Variants in OTUD7A observed in about 807,000 individuals in gnomAD.
OTUD7A encodes the protein OTU domain-containing protein 7A.
In OTUD7A, 12 loss-of-function variants were observed where a neutral mutation model predicts 65.7. That is an observed-to-expected ratio of 0.18 (90% confidence interval 0.12 to 0.30). The LOEUF (loss-of-function observed/expected upper bound fraction) is 0.30, where lower values mean the gene tolerates loss of function less well. Among genes scored for constraint, OTUD7A ranks in the 10% least tolerant of loss-of-function variants. The probability of loss-of-function intolerance (pLI) is 1.00; values close to 1 mark genes in which losing one functional copy is unlikely to be tolerated. For synonymous variants in OTUD7A, 641 were observed against 586.3 expected, an observed-to-expected ratio of 1.09 and a Z score of -1.35; for missense variants, 1,148 against 1,304.8, an observed-to-expected ratio of 0.88 and a Z score of 1.85.
intron 1 of OTUD7A, among the ~76,000 whole-genome samples, chr15:31,827,409 A>G (rs1896823803): frequency 1.3e-5 from 2 of 152,152 alleles, no homozygotes; most frequent in South Asian, 4.1e-4. Flanking sequence ...GAGGGAAACC[A>G]CCCCATGATT....
chr15:31,588,703 C>T (rs969382240), intron 3 of OTUD7A, among the ~76,000 whole-genome samples: 1 of 152,144 alleles, frequency 6.6e-6, no homozygotes, highest in Non-Finnish European at 1.5e-5. Context: ...CTGATGGTTC[C>T]GCTCCACACA....
chr15:31,664,537 G>C (rs570207193), intron 1 of OTUD7A, among the ~76,000 whole-genome samples: 12 of 151,802 alleles, frequency 7.9e-5, no homozygotes, highest in African/African-American at 2.9e-4. Flanking sequence ...ATTTGAGTTT[G>C]TGGTAGATTC....
chr15:31,817,487 T>G (rs562021982), intron 1 of OTUD7A, among the ~76,000 whole-genome samples: 2 of 152,354 alleles, frequency 1.3e-5, no homozygotes, highest in East Asian at 3.9e-4. Context: ...ATTTATGGAC[T>G]AGAATGAATT....
In OTUD7A at chr15:31,753,721, TTA is replaced by T. The variant is rs149582805; in HGVS notation, c.-99-96646_-99-96645del. ...TATATATTATATATATATATATATA[TTA>T]TATATATATATATATATCTCACAGT... On this transcript the variant is annotated intron_variant, in intron 1 of 12. Transcript: ENST00000307050. 1.3e-3 allele frequency among the ~76,000 whole-genome samples: 139 copies of T among 106,642 alleles called. 3 individuals are homozygous for T. Among genetic ancestry groups the T allele is most frequent in the Middle Eastern group, 4.0e-3 (1 of 252 alleles). The allele number at this position is 106,642 out of a possible 152,430, so 70.0% of individuals were successfully genotyped here. A position where few individuals can be genotyped will look rare whatever the true frequency, so the allele number is the denominator to read the frequency against.
At position 31,743,818 on chromosome 15, in the gene OTUD7A, C is replaced by T. The variant is rs547924594; in HGVS notation, c.-99-86741G>A. Among the ~76,000 whole-genome samples the T allele has an allele frequency of 9.9e-5, 15 of 151,824 alleles. No individual in the cohort carries two copies. The South Asian group carries it at 1.3e-3, about 13-fold the overall frequency. On this transcript the variant is annotated intron_variant, in intron 1 of 12. Coordinates refer to ENST00000307050, the MANE Select transcript of OTUD7A (RefSeq NM_001382637.1). Reference sequence around the variant, plus strand: ...TGATTCATTGAAAGATTCATAAGACCGGTAAACAAACACCTAGCAAGACTG... The same window carrying T: ...TGATTCATTGAAAGATTCATAAGACTGGTAAACAAACACCTAGCAAGACTG...
chr15:31,815,703 C>G (rs1896531080), intron 1 of OTUD7A, among the ~76,000 whole-genome samples: 1 of 152,234 alleles, frequency 6.6e-6, no homozygotes, highest in Non-Finnish European at 1.5e-5. Context: ...GCTGGGGGGC[C>G]TCTCCCACCA....
rs1890668036 is a variant in OTUD7A at position 31,618,504 on chromosome 15, T to C, written c.151+36592A>G. On this transcript the variant is annotated intron_variant, in intron 3 of 12. Transcript: ENST00000307050. ...TGTGAGATGGTATCTCGTTGTGGTT[T>C]TGATTTGCATTTCTCTGATGGCCAA... Among the ~76,000 whole-genome samples the C allele has an allele frequency of 2.0e-5, 3 of 152,328 alleles. No individual in the cohort carries two copies. The South Asian group carries it at 6.2e-4, about 32-fold the overall frequency.
chr15:31,685,640 C>G (rs1390424707), intron 1 of OTUD7A, among the ~76,000 whole-genome samples: 1 of 152,226 alleles, frequency 6.6e-6, no homozygotes, highest in African/African-American at 2.4e-5. Context: ...GCCTGGGCGA[C>G]AGAGCGAGAC....
chr15:31,835,629 A>G (rs16955956), intron 1 of OTUD7A, among the ~76,000 whole-genome samples: 2,384 of 152,254 alleles, frequency 0.016, 67 homozygotes, highest in African/African-American at 0.054. Context: ...GGACCTAAAT[A>G]TAGATATTTC....
chr15:31,715,263 C>T (rs911334014), intron 1 of OTUD7A, among the ~76,000 whole-genome samples: 26 of 149,748 alleles, frequency 1.7e-4, no homozygotes, highest in African/African-American at 5.4e-4. Context: ...TGCCTCACTT[C>T]GCTGTTCCAC....
rs1421144674 is a variant in OTUD7A, at chr15:31,510,800, T to C, written c.894-6982A>G. On this transcript the variant is annotated intron_variant, in intron 8 of 12. Transcript: ENST00000307050. ...TATGTAACATACATATGTATATCTATATGTAACATACATATGTATATCTAT... is the reference window on the plus strand; with the variant it reads ...TATGTAACATACATATGTATATCTACATGTAACATACATATGTATATCTAT... 6.5e-5 allele frequency among the ~76,000 whole-genome samples: 2 copies of C among 30,950 alleles called. 1 individual carries two copies. Among genetic ancestry groups the C allele is most frequent in the Non-Finnish European group, 1.2e-4 (2 of 16,068 alleles). 20.3% of individuals were successfully genotyped at this position (30,950 alleles called of 152,430 possible).
At chr15:31,527,408 T>A in intron 6 of OTUD7A, 100 bp from the exon 7 acceptor site, 4 of 1,452,672 alleles carry the variant, frequency 2.8e-6, no homozygotes, top group Non-Finnish European at 3.7e-6. Context: ...GAGAGCCTCC[T>A]GTCTGCACGC....
chr15:31,766,968 C>T (rs1895108036), intron 1 of OTUD7A: 1 of 1,611,716 alleles, frequency 6.2e-7, no homozygotes, highest in Non-Finnish European at 8.5e-7. Flanking sequence ...TACTACTTAA[C>T]CCTATTAAAT....
Position 31,544,519 on chromosome 15 carries a change from T to C in OTUD7A, c.551-13711A>G, listed in dbSNP as rs532295807. ...ATATGAAAGTAAAATAATGCCATTT[T>C]CAGACAAATGAAAACCTGAGACTTC... is the stretch of plus-strand genomic sequence containing the variant. On this transcript the variant is annotated intron_variant, in intron 5 of 12. Coordinates refer to ENST00000307050, the MANE Select transcript of OTUD7A (RefSeq NM_001382637.1). 1.7e-4 allele frequency among the ~76,000 whole-genome samples: 26 copies of C among 152,006 alleles called. No individual in the cohort carries two copies. The South Asian group carries it at 4.8e-3, about 28-fold the overall frequency.
At chr15:31,746,511 T>A (rs918159043) in intron 1 of OTUD7A, among the ~76,000 whole-genome samples, 1 of 148,602 alleles carries the variant, frequency 6.7e-6, no homozygotes, top group Non-Finnish European at 1.5e-5. Context: ...TTACATATTT[T>A]TTTTTTTTTT....
intron 1 of OTUD7A, among the ~76,000 whole-genome samples, chr15:31,869,595 T>C (rs892928416): frequency 6.6e-6 from 1 of 152,242 alleles, no homozygotes; most frequent in Non-Finnish European, 1.5e-5. Context: ...AGCGTTTCCC[T>C]GATCGGGGTC....
intron 1 of OTUD7A, among the ~76,000 whole-genome samples, chr15:31,817,022 G>A (rs1053986936): frequency 2.0e-5 from 3 of 152,066 alleles, no homozygotes; most frequent in Non-Finnish European, 4.4e-5. Flanking sequence ...CAAAATTTCA[G>A]AATTACATGT....
intron 3 of OTUD7A, among the ~76,000 whole-genome samples, chr15:31,643,873 T>C (rs1891588382): frequency 6.6e-6 from 1 of 152,150 alleles, no homozygotes; most frequent in African/African-American, 2.4e-5. Flanking sequence ...ACTTCCCTTC[T>C]AACAAAAAGC....
intron 1 of OTUD7A, among the ~76,000 whole-genome samples, chr15:31,838,799 G>A (rs147411514): frequency 5.3e-4 from 80 of 152,056 alleles, no homozygotes; most frequent in African/African-American, 1.9e-3. Flanking sequence ...AACTCATTTT[G>A]AAGGCCCCCT....
Sources: allele counts gnomAD v4.1 joint callset (sites outside exome capture counted in the v4.1 genomes callset), GRCh38; gene constraint gnomAD v4.1.1; transcripts MANE v1.5; gene names NCBI Gene and HGNC (gene_info 2026-07-23, HGNC 2026-07-21).